Variants in EPHA6 observed in about 807,000 individuals in gnomAD.
EPHA6 encodes EPH receptor A6.
In EPHA6, 50 loss-of-function variants were observed where a neutral mutation model predicts 112.0. The ratio of observed to expected loss-of-function variants is 0.45; its 90% CI spans 0.36 to 0.56. The LOEUF is 0.56. EPHA6 is among the 20% of genes least tolerant of loss of function. EPHA6 has a pLI of 0.00. For synonymous variants in EPHA6, 529 were observed against 490.7 expected (o/e 1.08, Z -1.03); for missense variants, 1,280 against 1,417.4 (o/e 0.90, Z 1.56).
At chr3:97,647,472 A>C (rs969205692) in intron 14 of EPHA6, among the ~76,000 whole-genome samples, 16 of 152,152 alleles carry the variant, frequency 1.1e-4, no homozygotes, top group Admixed American at 3.9e-4. Flanking sequence ...AGAAATGTGT[A>C]TTGTGGGCCA....
At chr3:97,021,745 T>G (rs1490919096) in intron 3 of EPHA6, among the ~76,000 whole-genome samples, 4 of 152,366 alleles carry the variant, frequency 2.6e-5, no homozygotes, top group South Asian at 2.1e-4. Context: ...CTTATAACCC[T>G]ATTTAATGTT....
intron 5 of EPHA6, among the ~76,000 whole-genome samples, chr3:97,273,988 A>G (rs897162220): frequency 4.6e-5 from 7 of 152,098 alleles, no homozygotes; most frequent in African/African-American, 1.7e-4. Flanking sequence ...GAAAGGGAGG[A>G]GGCCTGAACA....
At chr3:97,273,672 C>T (rs1403555032) in intron 5 of EPHA6, among the ~76,000 whole-genome samples, 2 of 151,976 alleles carry the variant, frequency 1.3e-5, no homozygotes, top group East Asian at 1.9e-4. Context: ...GACTGAGGAC[C>T]GTAGGGGATA....
At chr3:97,680,569 C>T (rs956034536) in intron 14 of EPHA6, among the ~76,000 whole-genome samples, 4 of 152,156 alleles carry the variant, frequency 2.6e-5, no homozygotes, top group Non-Finnish European at 5.9e-5. Context: ...AGTTTGCCAA[C>T]CTCTCAGTAA....
intron 2 of EPHA6, among the ~76,000 whole-genome samples, chr3:96,887,839 C>T (rs114204329): frequency 0.012 from 1,800 of 152,140 alleles, 15 homozygotes; most frequent in Non-Finnish European, 0.019. Flanking sequence ...ATGGCTCCCT[C>T]TGCTGAGTCA....
intron 11 of EPHA6, among the ~76,000 whole-genome samples, chr3:97,587,900 C>T (rs1218908528): frequency 1.3e-5 from 2 of 152,038 alleles, no homozygotes; most frequent in African/African-American, 2.4e-5. Context: ...ATTGTTCAAG[C>T]CCTTGAAGTA....
At chr3:97,496,281 GA>G (rs899734597) in intron 10 of EPHA6, among the ~76,000 whole-genome samples, 2 of 151,402 alleles carry the variant, frequency 1.3e-5, no homozygotes, top group African/African-American at 4.8e-5. Flanking sequence ...AGCCTATCAG[GA>G]AAAAAAAGTC....
intron 3 of EPHA6, among the ~76,000 whole-genome samples, chr3:97,173,992 T>C (rs2108434293): frequency 6.6e-6 from 1 of 151,774 alleles, no homozygotes; most frequent in East Asian, 1.9e-4. Flanking sequence ...TTTCTATTTT[T>C]TTTACCCATT....
At chr3:96,856,971 A>C (rs1184523602) in intron 1 of EPHA6, among the ~76,000 whole-genome samples, 1 of 152,164 alleles carries the variant, frequency 6.6e-6, no homozygotes, top group African/African-American at 2.4e-5. Context: ...TAATCTTCTC[A>C]GTCACAAAAG....
At chr3:96,850,794 C>T (rs2035334655) in intron 1 of EPHA6, among the ~76,000 whole-genome samples, 1 of 151,848 alleles carries the variant, frequency 6.6e-6, no homozygotes, top group Non-Finnish European at 1.5e-5. Context: ...ACTAAGAAGG[C>T]ATGGAAAATT....
intron 11 of EPHA6, among the ~76,000 whole-genome samples, chr3:97,535,527 A>G (rs1233457036): frequency 6.6e-6 from 1 of 152,108 alleles, no homozygotes; most frequent in Non-Finnish European, 1.5e-5. Context: ...TATTGTTATC[A>G]TCTTGACTCA....
At chr3:97,228,178 T>C in intron 4 of EPHA6, among the ~76,000 whole-genome samples, 1 of 152,174 alleles carries the variant, frequency 6.6e-6, no homozygotes, top group African/African-American at 2.4e-5. Context: ...TTTATTTTTA[T>C]AACAATAGTT....
At chr3:97,029,594 A>G (rs979027624) in intron 3 of EPHA6, among the ~76,000 whole-genome samples, 12 of 152,218 alleles carry the variant, frequency 7.9e-5, no homozygotes, top group African/African-American at 2.9e-4. Flanking sequence ...CAGAGTATGT[A>G]GGGACAAATG....
In EPHA6 at chr3:97,483,944, G is replaced by A. The variant is rs138510905; in HGVS notation, c.2085G>A (p.Pro695=). Residue 695 remains proline, a synonymous_variant, in exon 10 of 18, where the codon CCG becomes CCA. Coordinates refer to ENST00000389672, the MANE Select transcript of EPHA6 (RefSeq NM_001080448.3). The stretch of plus-strand genomic sequence containing the variant: ...TTATTGTTGTTGCAGTGCGCTTCCC[G>A]GGAATTAAAACTTACATTGATCCAG... ...NHLQNGHLRF[P]GIKTYIDPDT... 1.3e-5 allele frequency: 21 copies of A among 1,591,694 alleles called. No individual in the cohort carries two copies. Among genetic ancestry groups the A allele is most frequent in the South Asian group, 4.7e-5 (4 of 85,460 alleles).
rs540893567 is a variant in EPHA6, at chr3:96,883,727, A to C, written c.450+16838A>C. On this transcript the variant is annotated intron_variant, in intron 2 of 17. Transcript: ENST00000389672. ...GTCACCAAGGCTGGAGTAAAGTGGC[A>C]TGATCTTGGCTGACTGCAACCTCCC... Among the ~76,000 whole-genome samples, 144 of 152,162 alleles carry C rather than the reference A, an allele frequency of 9.5e-4. 1 individual carries two copies. Among genetic ancestry groups the C allele is most frequent in the African/African-American group, 3.3e-3 (139 of 41,520 alleles).
intron 14 of EPHA6, among the ~76,000 whole-genome samples, chr3:97,640,508 G>A (rs1017422118): frequency 1.5e-4 from 23 of 152,002 alleles, no homozygotes; most frequent in African/African-American, 4.6e-4. Flanking sequence ...GCTCGCGCCT[G>A]TTATCCCATC....
intron 4 of EPHA6, among the ~76,000 whole-genome samples, chr3:97,230,763 C>T (rs2078499870): frequency 1.3e-5 from 2 of 152,138 alleles, no homozygotes. Flanking sequence ...TAAATACCAT[C>T]TTCAGCTGCA....
At chr3:96,965,287 A>C (rs2107764409) in intron 2 of EPHA6, among the ~76,000 whole-genome samples, 1 of 152,254 alleles carries the variant, frequency 6.6e-6, no homozygotes, top group Middle Eastern at 3.4e-3. Flanking sequence ...GGCCATATTT[A>C]GTTTGCTTTA....
At chr3:97,403,783 A>G (rs575052290) in intron 5 of EPHA6, among the ~76,000 whole-genome samples, 182 of 152,310 alleles carry the variant, frequency 1.2e-3, no homozygotes, top group Admixed American at 2.3e-3. Flanking sequence ...ATATTTTTAT[A>G]TTACAAAGTA....
Sources: gnomAD v4.1 joint callset for allele counts (sites outside exome capture counted in the v4.1 genomes callset) on GRCh38, gnomAD v4.1.1 for gene constraint, MANE v1.5 for transcripts, NCBI Gene and HGNC (gene_info 2026-07-23, HGNC 2026-07-21) for gene names.